FOCAD: variants seen among roughly 807,000 people sequenced by gnomAD.
FOCAD encodes the protein KIAA1797.
FOCAD carries 198 observed loss-of-function variants against 225.6 expected under a neutral mutation model. The observed-to-expected ratio is 0.88, with a 90% CI of 0.78 to 0.99. The LOEUF (loss-of-function observed/expected upper bound fraction) is 0.99. Among genes scored for constraint, FOCAD ranks in the 50% least tolerant of loss-of-function variants. The pLI is 0.00. For missense variants in FOCAD, 2,713 were observed against 2,123.6 expected, an observed-to-expected ratio of 1.28 and a Z score of -5.46; for synonymous variants, 897 against 755.0, an observed-to-expected ratio of 1.19 and a Z score of -3.08.
chr9:20,921,737 C>T (rs894674174), intron 24 of FOCAD, among the ~76,000 whole-genome samples: 2 of 152,140 alleles, frequency 1.3e-5, no homozygotes, highest in Non-Finnish European at 2.9e-5. Context: ...TTCTCCATTA[C>T]TTAAGAACAA....
At chr9:20,711,203 G>A (rs1301094813) in intron 1 of FOCAD, among the ~76,000 whole-genome samples, 1 of 152,212 alleles carries the variant, frequency 6.6e-6, no homozygotes, top group East Asian at 1.9e-4. Flanking sequence ...TTAAGCAGTG[G>A]AAGCATATAG....
At chr9:20,730,914 A>G (rs2131604044) in intron 4 of FOCAD, among the ~76,000 whole-genome samples, 1 of 152,196 alleles carries the variant, frequency 6.6e-6, no homozygotes, top group East Asian at 1.9e-4. Context: ...AGTTAAATGA[A>G]AAAAAAACCC....
At chr9:20,791,891 G>T (rs758746008) in intron 11 of FOCAD, among the ~76,000 whole-genome samples, 3 of 152,202 alleles carry the variant, frequency 2.0e-5, no homozygotes, top group African/African-American at 7.2e-5. Flanking sequence ...GGCAAAAAAT[G>T]TAAAGCAGAA....
At chr9:20,931,545 T>C (rs1000750974) in intron 27 of FOCAD, among the ~76,000 whole-genome samples, 4 of 152,202 alleles carry the variant, frequency 2.6e-5, no homozygotes, top group African/African-American at 9.6e-5. Flanking sequence ...TAAAAGCAAG[T>C]GTTTTGAGAG....
intron 11 of FOCAD, among the ~76,000 whole-genome samples, chr9:20,797,208 G>T (rs201203017): frequency 8.6e-5 from 13 of 152,014 alleles, no homozygotes; most frequent in Admixed American, 2.6e-4. Flanking sequence ...CATGCTGTTT[G>T]GGTGACTGTA....
chr9:20,752,179 A>G (rs1427313716), intron 5 of FOCAD, among the ~76,000 whole-genome samples: 1 of 151,358 alleles, frequency 6.6e-6, no homozygotes, highest in African/African-American at 2.4e-5. Context: ...CCCATTTGTC[A>G]ATTTTGGCTT....
rs1174832430 is a variant in FOCAD, at chr9:20,903,106, C to T, written c.2626-4044C>T. ...GTCAAGATGAGAAGGTTCTACCACC[C>T]TCAAACATTTCCCCATGCTCCTTTC... On this transcript the variant is annotated intron_variant, in intron 21 of 43. Coordinates refer to ENST00000338382, the MANE Select transcript of FOCAD (RefSeq NM_001375567.1). Among the ~76,000 whole-genome samples, 6 of 151,914 alleles carry T rather than the reference C, an allele frequency of 3.9e-5. No individual in the cohort carries two copies. The East Asian group carries it at 1.2e-3, about 29-fold the overall frequency.
chr9:20,699,627 A>C (rs951311304), intron 1 of FOCAD, among the ~76,000 whole-genome samples: 43 of 149,174 alleles, frequency 2.9e-4, no homozygotes, highest in African/African-American at 9.9e-4. Flanking sequence ...AGTCCCAGCT[A>C]CTCAGGAGGC....
intron 24 of FOCAD, among the ~76,000 whole-genome samples, chr9:20,918,672 A>C (rs200233627): frequency 4.0e-5 from 6 of 151,590 alleles, no homozygotes; most frequent in East Asian, 1.9e-4. Context: ...TGCAGTGAGC[A>C]GAGATCCCGC....
intron 2 of FOCAD, among the ~76,000 whole-genome samples, chr9:20,665,599 A>C (rs755523585): frequency 6.6e-6 from 1 of 152,186 alleles, no homozygotes; most frequent in Admixed American, 6.5e-5. Context: ...AAGAGTAAAT[A>C]TGTTGGTGAA....
Position 20,981,621 on chromosome 9 carries a change from C to T in FOCAD, c.4573C>T (p.His1525Tyr). 6.2e-7 allele frequency: 1 copy of T among 1,614,072 alleles called. No individual in the cohort carries two copies. Among genetic ancestry groups the T allele is most frequent in the East Asian group, 2.2e-5 (1 of 44,826 alleles). The change falls in exon 38 of 44, where the codon CAC becomes TAC. Residue 1525 changes from histidine to tyrosine, a missense_variant. Transcript: ENST00000338382. The stretch of plus-strand genomic sequence containing the variant: ...CATGAAACTGCCCAGCCCTGCCCAC[C>T]ACCTCTGGAGTCTGCTCTCTGAAGC... ...QAMKLPSPAHHLWSLLSEATG... is the reference protein window; with the variant it reads ...QAMKLPSPAHYLWSLLSEATG...
chr9:20,912,453 T>C (rs143489079), intron 22 of FOCAD, among the ~76,000 whole-genome samples: 3 of 152,266 alleles, frequency 2.0e-5, no homozygotes, highest in East Asian at 3.9e-4. Flanking sequence ...TTACATACTT[T>C]AGCTTGTTTT....
intron 21 of FOCAD, among the ~76,000 whole-genome samples, chr9:20,885,817 T>C (rs1184411414): frequency 4.6e-5 from 7 of 152,172 alleles, no homozygotes; most frequent in Admixed American, 4.6e-4. Context: ...TTTTTAAATA[T>C]TTTATCACAC....
chr9:20,834,073 T>G (rs567559249), intron 15 of FOCAD, among the ~76,000 whole-genome samples: 15 of 152,164 alleles, frequency 9.9e-5, no homozygotes, highest in Admixed American at 2.6e-4. Context: ...ATAGCATATT[T>G]GAAAAAAACA....
rs1837534605 is a variant in FOCAD at position 20,949,902 on chromosome 9, G to T, written c.3948+227G>T. 2.6e-5 allele frequency among the ~76,000 whole-genome samples: 4 copies of T among 152,036 alleles called. No individual in the cohort carries two copies. In the South Asian group the frequency reaches 8.3e-4, roughly 31 times the overall value. On this transcript the variant is annotated intron_variant, in intron 33 of 43. Coordinates refer to ENST00000338382, the MANE Select transcript of FOCAD (RefSeq NM_001375567.1). ...CTGGCATTTTTTTTAGTAAACTTAA[G>T]TTGGCATTGGTTTTTCTTAAAAATT...
chr9:20,805,737 C>T (rs1822368359), intron 11 of FOCAD, among the ~76,000 whole-genome samples: 2 of 152,030 alleles, frequency 1.3e-5, no homozygotes, highest in Admixed American at 6.6e-5. Context: ...TAAAACATAT[C>T]TGTTGAAATG....
At chr9:20,663,848 A>C (rs2383146) in intron 2 of FOCAD, among the ~76,000 whole-genome samples, 92,823 of 152,086 alleles carry the variant, frequency 0.61, 28,762 homozygotes, top group South Asian at 0.74. Context: ...ACTTTATATG[A>C]TATTTTCTCC....
At chr9:20,674,396 A>G (rs890182838) in intron 2 of FOCAD, among the ~76,000 whole-genome samples, 5 of 152,214 alleles carry the variant, frequency 3.3e-5, no homozygotes, top group Admixed American at 3.3e-4. Context: ...GTTGGCAAAC[A>G]CTACACATCA....
chr9:20,716,982 T>G (rs1236085663), intron 2 of FOCAD, among the ~76,000 whole-genome samples: 2 of 152,222 alleles, frequency 1.3e-5, no homozygotes, highest in African/African-American at 4.8e-5. Flanking sequence ...GTCAGTTCCA[T>G]TCAATGAAAT....
Sources: gnomAD v4.1 joint callset for allele counts (sites outside exome capture counted in the v4.1 genomes callset) on GRCh38, gnomAD v4.1.1 for gene constraint, MANE v1.5 for transcripts, NCBI Gene and HGNC (gene_info 2026-07-23, HGNC 2026-07-21) for gene names.